LPP: variants seen among roughly 807,000 people sequenced by gnomAD.
The protein encoded by LPP is lipoma-preferred partner.
A neutral mutation model predicts 60.4 loss-of-function variants in LPP; 38 were observed. The observed-to-expected ratio is 0.63, with a 90% confidence interval of 0.49 to 0.83. LPP has a LOEUF of 0.83. Among genes scored for constraint, LPP ranks in the 40% least tolerant of loss-of-function variants. The probability of loss-of-function intolerance (pLI) is 0.00; values close to 1 mark genes in which losing one functional copy is unlikely to be tolerated. For synonymous variants in LPP, 328 were observed against 290.8 expected (o/e 1.13, Z -1.30); for missense variants, 902 against 783.6 (o/e 1.15, Z -1.80).
Position 188,318,959 on chromosome 3 carries a change from C to T in LPP, c.-66-22704C>T, listed in dbSNP as rs554601475. Reference sequence around the variant, plus strand: ...ATTTTTAGTAGAGACGGGGTTTCACCGTTTTAGCCGGGATGGTCTCGATCT... The same window carrying T: ...ATTTTTAGTAGAGACGGGGTTTCACTGTTTTAGCCGGGATGGTCTCGATCT... On this transcript the variant is annotated intron_variant, in intron 2 of 11. Coordinates refer to ENST00000617246, the MANE Select transcript of LPP (RefSeq NM_001375462.1). Among the ~76,000 whole-genome samples, 52 of 151,508 alleles carry T rather than the reference C, an allele frequency of 3.4e-4. No individual in the cohort carries two copies. The South Asian group carries it at 4.0e-3, about 12-fold the overall frequency.
At chr3:188,242,266 C>G (rs572703564) in intron 2 of LPP, among the ~76,000 whole-genome samples, 1 of 152,120 alleles carries the variant, frequency 6.6e-6, no homozygotes, top group African/African-American at 2.4e-5. Context: ...CTATTTCTAA[C>G]TTATAGGTAA....
At chr3:188,873,384 G>A (rs1415906415) in intron 11 of LPP, among the ~76,000 whole-genome samples, 2 of 152,218 alleles carry the variant, frequency 1.3e-5, no homozygotes, top group African/African-American at 4.8e-5. Context: ...GTTCATAGCT[G>A]TTGTGGCCTT....
intron 4 of LPP, among the ~76,000 whole-genome samples, chr3:188,414,700 G>A (rs753250894): frequency 1.3e-5 from 2 of 152,200 alleles, no homozygotes; most frequent in Non-Finnish European, 1.5e-5. Context: ...ACATTTCAGC[G>A]AAGTACAGGT....
intron 4 of LPP, among the ~76,000 whole-genome samples, chr3:188,447,327 C>T (rs1795450108): frequency 6.6e-6 from 1 of 152,012 alleles, no homozygotes; most frequent in Non-Finnish European, 1.5e-5. Flanking sequence ...AAAAGTGACT[C>T]TTGGCTGGGC....
intron 4 of LPP, among the ~76,000 whole-genome samples, chr3:188,481,669 T>C (rs1012694819): frequency 1.3e-5 from 2 of 152,200 alleles, no homozygotes; most frequent in African/African-American, 2.4e-5. Flanking sequence ...CTTTATGACA[T>C]AGTTTATTGA....
intron 2 of LPP, among the ~76,000 whole-genome samples, chr3:188,233,994 G>A (rs572668600): frequency 1.3e-5 from 2 of 152,074 alleles, no homozygotes; most frequent in South Asian, 2.1e-4. Context: ...CTTTTCTTCT[G>A]CTAAAGGCAT....
At chr3:188,848,007 C>A (rs1047682592) in intron 9 of LPP, among the ~76,000 whole-genome samples, 2 of 152,134 alleles carry the variant, frequency 1.3e-5, no homozygotes, top group Non-Finnish European at 2.9e-5. Flanking sequence ...CTTGTGGGAC[C>A]CTGACGGTAA....
At chr3:188,517,973 C>T (rs1045251266) in intron 5 of LPP, among the ~76,000 whole-genome samples, 5 of 152,110 alleles carry the variant, frequency 3.3e-5, no homozygotes, top group African/African-American at 7.2e-5. Flanking sequence ...CCTCTCCTCG[C>T]TCTCTCTTCC....
intron 9 of LPP, among the ~76,000 whole-genome samples, chr3:188,856,128 T>C (rs1056053626): frequency 4.6e-5 from 7 of 152,204 alleles, no homozygotes; most frequent in Non-Finnish European, 1.5e-5. Flanking sequence ...AAAATGGACC[T>C]TGCCAAGTAT....
At chr3:188,764,652 G>A (rs1211545198) in intron 9 of LPP, among the ~76,000 whole-genome samples, 5 of 152,154 alleles carry the variant, frequency 3.3e-5, no homozygotes, top group East Asian at 1.9e-4. Context: ...TAAAGAGACA[G>A]CCTTACTCAT....
rs1577542584 is a variant in LPP at position 188,785,983 on chromosome 3, A to G, written c.1410+25701A>G. Among the ~76,000 whole-genome samples, 4 of 152,188 alleles carry G rather than the reference A, an allele frequency of 2.6e-5. No individual in the cohort carries two copies. The East Asian group carries it at 7.7e-4, about 29-fold the overall frequency. ...TGCTGACATGTCTCAAATAGGTACC[A>G]TGATGGTTTTGTTACTATTTTTTAT... On this transcript the variant is annotated intron_variant, in intron 9 of 11. Transcript: ENST00000617246.
intron 8 of LPP, among the ~76,000 whole-genome samples, chr3:188,753,677 T>C (rs1328691926): frequency 6.6e-6 from 1 of 151,940 alleles, no homozygotes; most frequent in Non-Finnish European, 1.5e-5. Context: ...GATGTTAAAA[T>C]GTTTCTTAAT....
At chr3:188,501,424 C>T (rs35715699) in intron 5 of LPP, among the ~76,000 whole-genome samples, 24,779 of 152,088 alleles carry the variant, frequency 0.16, 2,730 homozygotes, top group East Asian at 0.42. Context: ...ACTAGCCTGG[C>T]CAACATAGTG....
At chr3:188,677,153 C>A (rs1468606280) in intron 7 of LPP, among the ~76,000 whole-genome samples, 2 of 152,166 alleles carry the variant, frequency 1.3e-5, no homozygotes, top group African/African-American at 4.8e-5. Flanking sequence ...GACAATGAGA[C>A]CCTGAGGCAG....
intron 7 of LPP, among the ~76,000 whole-genome samples, chr3:188,616,436 T>C (rs1844858623): frequency 6.6e-6 from 1 of 152,214 alleles, no homozygotes; most frequent in South Asian, 2.1e-4. Flanking sequence ...TTCTGTTTCA[T>C]TGGTCTATAT....
chr3:188,495,064 T>TATATATATATATATATATATA (rs1809541137), intron 5 of LPP, among the ~76,000 whole-genome samples: 1 of 53,880 alleles, frequency 1.9e-5, no homozygotes, highest in African/African-American at 7.0e-5. Flanking sequence ...GTTCAGGATT[T>TATATATATATATATATATATA]TATATATATA....
At chr3:188,232,596 C>T (rs926898216) in intron 2 of LPP, among the ~76,000 whole-genome samples, 2 of 150,304 alleles carry the variant, frequency 1.3e-5, no homozygotes, top group Admixed American at 1.3e-4. Flanking sequence ...TCAAGTGATC[C>T]ACCCTCCTTG....
intron 6 of LPP, among the ~76,000 whole-genome samples, chr3:188,527,972 C>T (rs1303402690): frequency 6.6e-6 from 1 of 152,082 alleles, no homozygotes; most frequent in Non-Finnish European, 1.5e-5. Context: ...CATGACACTG[C>T]ATGGATTTAT....
intron 2 of LPP, among the ~76,000 whole-genome samples, chr3:188,305,175 A>G (rs1751128537): frequency 6.6e-6 from 1 of 152,150 alleles, no homozygotes; most frequent in African/African-American, 2.4e-5. Context: ...ATCTCTATAT[A>G]CCCACAAAGC....
Sources: allele counts gnomAD v4.1 joint callset (sites outside exome capture counted in the v4.1 genomes callset), GRCh38; gene constraint gnomAD v4.1.1; transcripts MANE v1.5; gene names NCBI Gene and HGNC (gene_info 2026-07-23, HGNC 2026-07-21).